The following KCNQ5 variants were observed in gnomAD, a reference collection of about 807,000 sequenced individuals.
KCNQ5 encodes the protein potassium voltage-gated channel subfamily Q member 5.
KCNQ5 carries 30 observed loss-of-function variants against 98.2 expected under a neutral mutation model. That is an observed-to-expected ratio of 0.31 (90% confidence interval 0.23 to 0.41). KCNQ5 has a LOEUF of 0.41. KCNQ5 is among the 10% of genes least tolerant of loss of function. KCNQ5 has a pLI of 1.00. For synonymous variants in KCNQ5, 458 were observed against 449.4 expected, an observed-to-expected ratio of 1.02 and a Z score of -0.24; for missense variants, 835 against 1,182.5, an observed-to-expected ratio of 0.71 and a Z score of 4.31.
intron 1 of KCNQ5, among the ~76,000 whole-genome samples, chr6:72,824,498 T>C (rs1775899053): frequency 6.6e-6 from 1 of 152,152 alleles, no homozygotes; most frequent in South Asian, 2.1e-4. Flanking sequence ...TGATATTTTC[T>C]ATTGCCTGAG....
chr6:73,038,777 A>G (rs1771559229), intron 2 of KCNQ5, among the ~76,000 whole-genome samples: 1 of 152,030 alleles, frequency 6.6e-6, no homozygotes, highest in Admixed American at 6.6e-5. Flanking sequence ...GTCTAAGTTT[A>G]TGATAAATAT....
At chr6:72,834,721 A>T (rs1776428152) in intron 1 of KCNQ5, among the ~76,000 whole-genome samples, 1 of 152,140 alleles carries the variant, frequency 6.6e-6, no homozygotes, top group South Asian at 2.1e-4. Context: ...CTCCTTAGAA[A>T]ACCAAAGCAA....
chr6:72,988,759 T>C (rs1260094889), intron 1 of KCNQ5, among the ~76,000 whole-genome samples: 14 of 113,576 alleles, frequency 1.2e-4, no homozygotes, highest in Admixed American at 1.9e-4. Flanking sequence ...CACCCACTAA[T>C]GTGTCATCTA....
At chr6:73,121,739 T>G (rs1400083120) in intron 8 of KCNQ5, among the ~76,000 whole-genome samples, 1 of 152,198 alleles carries the variant, frequency 6.6e-6, no homozygotes, top group Admixed American at 6.5e-5. Flanking sequence ...AATGGAGGTT[T>G]GTGATGCAGC....
At chr6:73,017,505 C>G (rs1465420190) in intron 2 of KCNQ5, among the ~76,000 whole-genome samples, 2 of 152,116 alleles carry the variant, frequency 1.3e-5, no homozygotes, top group Non-Finnish European at 2.9e-5. Flanking sequence ...GTTCCCCATG[C>G]AGGTATACAC....
chr6:72,933,333 C>T (rs1424992920), intron 1 of KCNQ5, among the ~76,000 whole-genome samples: 1 of 152,176 alleles, frequency 6.6e-6, no homozygotes, highest in Non-Finnish European at 1.5e-5. Context: ...CTCTCTGCAT[C>T]TGATTAGTTT....
At chr6:72,629,602 T>C (rs1282007278) in intron 1 of KCNQ5, among the ~76,000 whole-genome samples, 3 of 152,144 alleles carry the variant, frequency 2.0e-5, no homozygotes, top group Non-Finnish European at 4.4e-5. Flanking sequence ...CTTCTGAAAA[T>C]TGCTTGCAAA....
intron 6 of KCNQ5, among the ~76,000 whole-genome samples, chr6:73,106,085 G>A (rs1021691619): frequency 2.6e-5 from 4 of 152,142 alleles, no homozygotes; most frequent in Non-Finnish European, 5.9e-5. Flanking sequence ...GAGGGTTAAC[G>A]CGGTGGGAGC....
intron 1 of KCNQ5, among the ~76,000 whole-genome samples, chr6:72,851,559 G>C (rs900571516): frequency 1.3e-5 from 2 of 152,000 alleles, no homozygotes; most frequent in African/African-American, 4.8e-5. Context: ...TTACCAAAAA[G>C]ATCATTTTCT....
chr6:73,077,588 TAGTC>T, intron 4 of KCNQ5, 91 bp downstream of exon 4: 1 of 1,410,440 alleles, frequency 7.1e-7, no homozygotes, highest in Non-Finnish European at 9.5e-7. Flanking sequence ...CAAGAAAACT[TAGTC>T]ATTGCAGAAA....
chr6:72,890,767 A>T (rs1186376763), intron 1 of KCNQ5, among the ~76,000 whole-genome samples: 5 of 152,262 alleles, frequency 3.3e-5, no homozygotes, highest in Non-Finnish European at 7.3e-5. Flanking sequence ...CAAAAGCCCC[A>T]CATCACATAA....
chr6:73,178,222 G>A (rs1278420258), intron 11 of KCNQ5, among the ~76,000 whole-genome samples: 1 of 151,262 alleles, frequency 6.6e-6, no homozygotes, highest in Admixed American at 6.6e-5. Context: ...TGGCAGGAAA[G>A]ACTTCTTCGG....
In KCNQ5 at chr6:73,025,623, C is replaced by CA. The variant is rs58607159; in HGVS notation, c.490-16277dup. ...GGGCGACAAGAGCAAAACTCCATCT[C>CA]AAAAAAAAAAAAAAAAAAAAAAAAA... On this transcript the variant is annotated intron_variant, in intron 2 of 13. Transcript: ENST00000370398. Among the ~76,000 whole-genome samples, 72 of 53,008 alleles carry CA rather than the reference C, an allele frequency of 1.4e-3. 2 individuals are homozygous for CA. The highest frequency in any genetic ancestry group is 2.1e-3 in the African/African-American group (50 of 24,192). 34.8% of individuals were successfully genotyped at this position (53,008 alleles called of 152,430 possible).
chr6:73,152,145 A>G (rs889309263), intron 10 of KCNQ5, among the ~76,000 whole-genome samples: 1 of 152,084 alleles, frequency 6.6e-6, no homozygotes, highest in African/African-American at 2.4e-5. Flanking sequence ...CTGGAAGGCA[A>G]AATTTTTAAG....
intron 1 of KCNQ5, among the ~76,000 whole-genome samples, chr6:72,657,477 A>C (rs1582061352): frequency 6.6e-6 from 1 of 152,182 alleles, no homozygotes; most frequent in African/African-American, 2.4e-5. Context: ...AAATATATTT[A>C]AGTATTATAG....
chr6:72,816,161 A>T lies in KCNQ5; in HGVS notation c.399-187747A>T, dbSNP rs115187825. On this transcript the variant is annotated intron_variant, in intron 1 of 13. Coordinates refer to ENST00000370398, the MANE Select transcript of KCNQ5 (RefSeq NM_019842.4). The stretch of plus-strand genomic sequence containing the variant: ...TGTCAGAAAGGAAAGTCCAGACAAG[A>T]ATTTTATTGTCGCAAATAAATATGG... Among the ~76,000 whole-genome samples the T allele has an allele frequency of 7.0e-3, 1,068 of 152,278 alleles. 11 individuals carry two copies. The highest frequency in any genetic ancestry group is 0.023 in the African/African-American group (968 of 41,548).
In KCNQ5 at chr6:72,713,292, T is replaced by C. The variant is rs534660555; in HGVS notation, c.398+90705T>C. Among the ~76,000 whole-genome samples the C allele has an allele frequency of 5.3e-5, 8 of 152,288 alleles. No individual in the cohort carries two copies. The South Asian group carries it at 1.7e-3, about 32-fold the overall frequency. Reference sequence around the variant, plus strand: ...CGTCCCAAACGTGACTCTTTCCTTTTCTTCCTGCACCACCCTTCCCCAGCC... The same window carrying C: ...CGTCCCAAACGTGACTCTTTCCTTTCCTTCCTGCACCACCCTTCCCCAGCC... On this transcript the variant is annotated intron_variant, in intron 1 of 13. Transcript: ENST00000370398.
At chr6:72,731,077 G>T (rs1055098652) in intron 1 of KCNQ5, among the ~76,000 whole-genome samples, 8 of 152,140 alleles carry the variant, frequency 5.3e-5, no homozygotes, top group Non-Finnish European at 1.0e-4. Context: ...ATACTAAAAA[G>T]GAAGGACTCC....
chr6:73,195,631 G>A lies in KCNQ5; in HGVS notation c.*217G>A. 1.8e-6 allele frequency: 1 copy of A among 562,278 alleles called. No individual in the cohort carries two copies. Among genetic ancestry groups the A allele is most frequent in the South Asian group, 2.2e-5 (1 of 46,200 alleles). 34.8% of individuals were successfully genotyped at this position (562,278 alleles called of 1,614,324 possible). On this transcript the variant is annotated 3_prime_UTR_variant, in exon 14 of 14. Transcript: ENST00000370398. ...GACATTAACCCACTCATTTAGTAAT[G>A]TACCTTGAGTTAAAAAGCCTGAGAA...
Sources: allele counts gnomAD v4.1 joint callset (sites outside exome capture counted in the v4.1 genomes callset), GRCh38; gene constraint gnomAD v4.1.1; transcripts MANE v1.5; gene names NCBI Gene and HGNC (gene_info 2026-07-23, HGNC 2026-07-21).